NCOA2: variants seen among roughly 807,000 people sequenced by gnomAD.
The protein encoded by NCOA2 is class E basic helix-loop-helix protein 75.
Under a neutral mutation model 145.1 loss-of-function variants are expected in NCOA2, and 21 were observed. The observed-to-expected ratio is 0.14, with a 90% CI of 0.10 to 0.21. NCOA2 has a LOEUF of 0.21. NCOA2 is among the 10% of genes least tolerant of loss of function. NCOA2 has a pLI of 1.00. For missense variants in NCOA2, 1,472 were observed against 1,837.6 expected, an observed-to-expected ratio of 0.80 and a Z score of 3.64; for synonymous variants, 619 against 637.5, an observed-to-expected ratio of 0.97 and a Z score of 0.44.
intron 1 of NCOA2, among the ~76,000 whole-genome samples, chr8:70,347,047 T>G (rs1319850390): frequency 2.0e-5 from 3 of 152,258 alleles, no homozygotes; most frequent in African/African-American, 7.2e-5. Flanking sequence ...ATCTCTTCTC[T>G]TTTAATCATC....
intron 2 of NCOA2, chr8:70,273,507 T>C (rs1825231291): frequency 3.0e-6 from 2 of 671,814 alleles, no homozygotes; most frequent in East Asian, 3.2e-5. Context: ...CAGTTCTCCT[T>C]AAAGAAGTTA....
At chr8:70,255,265 G>C (rs1295776770) in intron 2 of NCOA2, among the ~76,000 whole-genome samples, 1 of 152,128 alleles carries the variant, frequency 6.6e-6, no homozygotes, top group Non-Finnish European at 1.5e-5. Flanking sequence ...AGTTTGGTAA[G>C]TGAAATTACC....
At chr8:70,205,261 T>G (rs894479913) in intron 4 of NCOA2, among the ~76,000 whole-genome samples, 1 of 151,964 alleles carries the variant, frequency 6.6e-6, no homozygotes, top group East Asian at 1.9e-4. Context: ...AGGAATGTAA[T>G]GGGAATAGAC....
At chr8:70,225,141 AC>A (rs1273817991) in intron 2 of NCOA2, among the ~76,000 whole-genome samples, 3 of 152,222 alleles carry the variant, frequency 2.0e-5, no homozygotes, top group Non-Finnish European at 4.4e-5. Context: ...ATAGCAATAA[AC>A]CCAATAGACC....
At chr8:70,347,511 C>T (rs576198504) in intron 1 of NCOA2, among the ~76,000 whole-genome samples, 1 of 151,506 alleles carries the variant, frequency 6.6e-6, no homozygotes, top group Admixed American at 6.6e-5. Flanking sequence ...AAAAAATGAG[C>T]TGGGCATGGT....
chr8:70,393,360 T>C (rs1267508383), intron 1 of NCOA2, among the ~76,000 whole-genome samples: 1 of 152,164 alleles, frequency 6.6e-6, no homozygotes, highest in African/African-American at 2.4e-5. Context: ...GCTCTCTCTA[T>C]ACATGAGCTC....
the NCOA2 span, among the ~76,000 whole-genome samples, chr8:70,422,893 T>C: frequency 2.0e-5 from 3 of 152,196 alleles, no homozygotes; most frequent in Non-Finnish European, 4.4e-5. Context: ...TATTTTTTCT[T>C]TTGAGATGAG....
intron 2 of NCOA2, among the ~76,000 whole-genome samples, chr8:70,217,654 G>A (rs893033083): frequency 2.0e-5 from 3 of 152,032 alleles, no homozygotes; most frequent in Non-Finnish European, 2.9e-5. Flanking sequence ...CAGTGTGCTC[G>A]TCATCACTAA....
At chr8:70,206,058 A>G (rs1175617229) in intron 4 of NCOA2, among the ~76,000 whole-genome samples, 1 of 152,204 alleles carries the variant, frequency 6.6e-6, no homozygotes, top group Non-Finnish European at 1.5e-5. Flanking sequence ...ACTCTTCACT[A>G]AAGCTGGGGT....
chr8:70,399,197 TTA>T (rs1586687512), intron 1 of NCOA2, among the ~76,000 whole-genome samples: 6 of 152,300 alleles, frequency 3.9e-5, no homozygotes, highest in Admixed American at 2.0e-4. Context: ...GTAATAGACT[TTA>T]GAGAGTAATA....
intron 1 of NCOA2, among the ~76,000 whole-genome samples, chr8:70,371,504 T>C (rs1399394724): frequency 7.2e-5 from 11 of 151,970 alleles, no homozygotes; most frequent in African/African-American, 1.9e-4. Flanking sequence ...ATTTAACATA[T>C]ATATAGCCTG....
intron 1 of NCOA2, among the ~76,000 whole-genome samples, chr8:70,345,457 A>G (rs1808525725): frequency 6.6e-6 from 1 of 152,236 alleles, no homozygotes; most frequent in Non-Finnish European, 1.5e-5. Flanking sequence ...TACAAAAACA[A>G]CAGCAGCAGT....
At chr8:70,368,652 T>G (rs1563812998) in intron 1 of NCOA2, among the ~76,000 whole-genome samples, 1 of 152,228 alleles carries the variant, frequency 6.6e-6, no homozygotes, top group Non-Finnish European at 1.5e-5. Context: ...ACTGTATTTC[T>G]TAAGTGTCAC....
chr8:70,318,264 T>C (rs1805771622), intron 1 of NCOA2, among the ~76,000 whole-genome samples: 2 of 152,182 alleles, frequency 1.3e-5, no homozygotes, highest in Non-Finnish European at 2.9e-5. Flanking sequence ...CCTAACAAAA[T>C]TTGTTTCCAA....
chr8:70,415,371 A>G, the NCOA2 span, among the ~76,000 whole-genome samples: 13 of 151,702 alleles, frequency 8.6e-5, no homozygotes, highest in African/African-American at 2.9e-4. Context: ...TACTAAACAA[A>G]CTCCTCTATC....
At chr8:70,268,477 T>C (rs1196644165) in intron 2 of NCOA2, among the ~76,000 whole-genome samples, 2 of 152,212 alleles carry the variant, frequency 1.3e-5, no homozygotes, top group African/African-American at 2.4e-5. Flanking sequence ...TAGGTACAGT[T>C]TGACTATTTT....
In NCOA2 at chr8:70,196,105, C is replaced by T. The variant is rs1226674489; in HGVS notation, c.259+17798G>A. ...AATAATAACCTTTCCTGGCTGGGCA[C>T]GGTGGCTCACGCCTGTAATCCCAGC... is the stretch of plus-strand genomic sequence containing the variant. On this transcript the variant is annotated intron_variant, in intron 4 of 22. Coordinates refer to ENST00000452400, the MANE Select transcript of NCOA2 (RefSeq NM_006540.4). 4.6e-5 allele frequency among the ~76,000 whole-genome samples: 7 copies of T among 152,260 alleles called. No individual in the cohort carries two copies. The South Asian group carries it at 1.0e-3, about 23-fold the overall frequency.
At chr8:70,193,790 C>G (rs548012990) in intron 4 of NCOA2, among the ~76,000 whole-genome samples, 6 of 152,306 alleles carry the variant, frequency 3.9e-5, no homozygotes, top group African/African-American at 1.2e-4. Context: ...GAAATCACCA[C>G]TGCTCTGAGA....
chr8:70,231,760 C>T (rs948156857), intron 2 of NCOA2, among the ~76,000 whole-genome samples: 5 of 152,154 alleles, frequency 3.3e-5, no homozygotes, highest in African/African-American at 1.2e-4. Flanking sequence ...TCACCCTCTC[C>T]TCACTCCATT....
Sources: gnomAD v4.1 joint callset for allele counts (sites outside exome capture counted in the v4.1 genomes callset) on GRCh38, gnomAD v4.1.1 for gene constraint, MANE v1.5 for transcripts, NCBI Gene and HGNC (gene_info 2026-07-23, HGNC 2026-07-21) for gene names.